Variants in RP1 observed in about 807,000 individuals in gnomAD.
RP1 encodes the protein RP1 axonemal microtubule associated.
Under a neutral mutation model 14.8 loss-of-function variants are expected in RP1, and 16 were observed. The observed-to-expected ratio is 1.08, with a 90% CI of 0.73 to 1.65. The LOEUF is 1.65. Among genes scored for constraint, RP1 ranks in the 40% most tolerant of loss-of-function variants. RP1 has a pLI of 0.00. For missense variants in RP1, 2,631 were observed against 2,535.0 expected (o/e 1.04, Z -0.81); for synonymous variants, 876 against 883.6 (o/e 0.99, Z 0.15).
intron 22 of RP1, among the ~76,000 whole-genome samples, chr8:54,763,863 C>T (rs1809700912): frequency 6.6e-6 from 1 of 152,182 alleles, no homozygotes; most frequent in Non-Finnish European, 1.5e-5. Flanking sequence ...TTGCAGTTAA[C>T]ACCTTTAAAG....
At chr8:54,585,825 C>A (rs1332346298) in intron 1 of RP1, among the ~76,000 whole-genome samples, 1 of 152,164 alleles carries the variant, frequency 6.6e-6, no homozygotes, top group Admixed American at 6.5e-5. Flanking sequence ...ACGTAGTTCT[C>A]GTGCCGTGGT....
chr8:54,607,979 C>G lies in RP1; in HGVS notation c.-12-12976C>G, dbSNP rs568975049. ...TGACTAGGAAAGGGAATTCCCTGAC[C>G]CCTTGCACTTCCTGGGTGAGGCGAT... On this transcript the variant is annotated intron_variant, in intron 1 of 22. Transcript: ENST00000636932. 6.8e-4 allele frequency among the ~76,000 whole-genome samples: 104 copies of G among 152,124 alleles called. 1 individual carries two copies. The highest frequency in any genetic ancestry group is 1.1e-3 in the Non-Finnish European group (76 of 67,998).
intron 3 of RP1, among the ~76,000 whole-genome samples, chr8:54,624,443 C>CAAAAAAAAAAAAAAAAAAAAA (rs11332494): frequency 5.5e-4 from 31 of 56,596 alleles, no homozygotes; most frequent in East Asian, 9.8e-4. Context: ...GACTCTGTCT[C>CAAAAAAAAAAAAAAAAAAAAA]AAAAAAAAAA....
chr8:54,574,815 A>G (rs1804607660), intron 1 of RP1, among the ~76,000 whole-genome samples: 1 of 152,162 alleles, frequency 6.6e-6, no homozygotes, highest in Non-Finnish European at 1.5e-5. Context: ...TTACCTAGGA[A>G]CGAAAAAATT....
At chr8:54,777,292 A>G (rs1363534541) in intron 23 of RP1, among the ~76,000 whole-genome samples, 1 of 152,202 alleles carries the variant, frequency 6.6e-6, no homozygotes, top group African/African-American at 2.4e-5. Flanking sequence ...GGACTACAGC[A>G]AGCACTTCCC....
intron 23 of RP1, among the ~76,000 whole-genome samples, chr8:54,777,155 C>A (rs2129378040): frequency 6.6e-6 from 1 of 152,286 alleles, no homozygotes; most frequent in African/African-American, 2.4e-5. Flanking sequence ...CCATAAAGCA[C>A]CTTGAACAGA....
intron 2 of RP1, 151 bp downstream of exon 2, chr8:54,621,732 G>C: frequency 8.5e-7 from 1 of 1,177,872 alleles, no homozygotes; most frequent in Non-Finnish European, 1.2e-6. Flanking sequence ...TGCTGCCTTT[G>C]TTCCTTTGTC....
intron 12 of RP1, among the ~76,000 whole-genome samples, chr8:54,695,791 T>C (rs1239923735): frequency 6.6e-6 from 1 of 152,156 alleles, no homozygotes; most frequent in South Asian, 2.1e-4. Context: ...TCCTAGTTCT[T>C]GTTTCTTTCC....
At chr8:54,710,432 G>A (rs918561241) in intron 15 of RP1, among the ~76,000 whole-genome samples, 17 of 152,182 alleles carry the variant, frequency 1.1e-4, no homozygotes, top group Admixed American at 2.0e-4. Context: ...TAGTCCCACC[G>A]TCTGTAGACA....
chr8:54,734,757 G>A, intron 18 of RP1: 1 of 1,518,594 alleles, frequency 6.6e-7, no homozygotes, highest in Non-Finnish European at 8.8e-7. Flanking sequence ...AAACAACACT[G>A]GCAGTAATAT....
intron 15 of RP1, among the ~76,000 whole-genome samples, chr8:54,712,970 C>T (rs1021761317): frequency 2.6e-5 from 4 of 152,172 alleles, no homozygotes; most frequent in African/African-American, 9.7e-5. Context: ...TGCTTATAAT[C>T]TCCAAAGGGA....
At chr8:54,660,574 T>C (rs2129328699) in intron 6 of RP1, among the ~76,000 whole-genome samples, 1 of 152,302 alleles carries the variant, frequency 6.6e-6, no homozygotes, top group Non-Finnish European at 1.5e-5. Context: ...AGCTTCAGCA[T>C]GTAAAATGCC....
At chr8:54,607,755 C>A (rs1805492170) in intron 1 of RP1, among the ~76,000 whole-genome samples, 1 of 152,190 alleles carries the variant, frequency 6.6e-6, no homozygotes, top group Admixed American at 6.5e-5. Flanking sequence ...ACGGACCCCT[C>A]CCCTAGCCTC....
At chr8:54,581,256 T>C (rs1267118962) in intron 1 of RP1, among the ~76,000 whole-genome samples, 1 of 151,460 alleles carries the variant, frequency 6.6e-6, no homozygotes, top group African/African-American at 2.4e-5. Context: ...AGATGTGGTG[T>C]TTGGTTTTCT....
intron 24 of RP1, among the ~76,000 whole-genome samples, chr8:54,835,545 A>T (rs550236140): frequency 6.6e-6 from 1 of 152,282 alleles, no homozygotes; most frequent in South Asian, 2.1e-4. Context: ...TCCTGTCTTT[A>T]GATTAGATAT....
At chr8:54,568,805 G>A (rs971337857) in intron 1 of RP1, among the ~76,000 whole-genome samples, 1 of 152,150 alleles carries the variant, frequency 6.6e-6, no homozygotes, top group African/African-American at 2.4e-5. Context: ...TCACCACAGG[G>A]GACAAAATCT....
intron 1 of RP1, among the ~76,000 whole-genome samples, chr8:54,592,442 A>G (rs1348900939): frequency 6.6e-6 from 1 of 152,206 alleles, no homozygotes; most frequent in Non-Finnish European, 1.5e-5. Flanking sequence ...CCCTGCTGCG[A>G]TGAGCTGGTG....
At chr8:54,696,091 T>G (rs1328941041) in intron 12 of RP1, among the ~76,000 whole-genome samples, 4 of 152,144 alleles carry the variant, frequency 2.6e-5, no homozygotes, top group Admixed American at 2.6e-4. Flanking sequence ...CAGACCTTAT[T>G]CTTAACTAAA....
chr8:54,741,211 T>C (rs1309717620), intron 19 of RP1, among the ~76,000 whole-genome samples: 2 of 152,196 alleles, frequency 1.3e-5, no homozygotes, highest in African/African-American at 2.4e-5. Flanking sequence ...ATGAATTTAG[T>C]GTAGCCTAAG....
Sources: gnomAD v4.1 joint callset for allele counts (sites outside exome capture counted in the v4.1 genomes callset) on GRCh38, gnomAD v4.1.1 for gene constraint, MANE v1.5 for transcripts, NCBI Gene and HGNC (gene_info 2026-07-23, HGNC 2026-07-21) for gene names.